Variants in INPP5F observed in about 807,000 individuals in gnomAD.
INPP5F encodes the protein inositol polyphosphate-5-phosphatase F, also known as phosphatidylinositide 4-phosphatase SAC2.
INPP5F carries 97 observed loss-of-function variants against 137.2 expected under a neutral mutation model. The observed-to-expected ratio is 0.71, with a 90% CI of 0.60 to 0.84. INPP5F has a LOEUF of 0.84. Ranked by LOEUF, INPP5F falls within the 40% of genes least tolerant of loss-of-function variation. The pLI is 0.00. For missense variants in INPP5F, 1,271 were observed against 1,371.9 expected, an observed-to-expected ratio of 0.93 and a Z score of 1.16; for synonymous variants, 504 against 476.9, an observed-to-expected ratio of 1.06 and a Z score of -0.74.
At chr10:119,770,791 A>G (rs1849310630) in intron 2 of INPP5F, among the ~76,000 whole-genome samples, 1 of 152,212 alleles carries the variant, frequency 6.6e-6, no homozygotes, top group Non-Finnish European at 1.5e-5. Context: ...TAGTGTTGAT[A>G]CATTTCAAGA....
chr10:119,815,883 A>G (rs1288683164), intron 15 of INPP5F: 1 of 152,400 alleles, frequency 6.6e-6, no homozygotes. Context: ...GCATCTCACA[A>G]TGGTTGAGGT....
intron 1 of INPP5F, among the ~76,000 whole-genome samples, chr10:119,728,727 C>T (rs577252817): frequency 7.2e-4 from 110 of 152,270 alleles, no homozygotes; most frequent in African/African-American, 2.5e-3. Context: ...ATTTATTTAG[C>T]CTGGAATGTT....
At chr10:119,733,628 A>G (rs755261080) in intron 1 of INPP5F, among the ~76,000 whole-genome samples, 5 of 152,134 alleles carry the variant, frequency 3.3e-5, no homozygotes, top group Non-Finnish European at 7.4e-5. Context: ...GAAACTTTGT[A>G]GAATCACTGG....
intron 1 of INPP5F, among the ~76,000 whole-genome samples, chr10:119,734,404 G>A (rs545656301): frequency 6.6e-6 from 1 of 152,218 alleles, no homozygotes; most frequent in Non-Finnish European, 1.5e-5. Flanking sequence ...TCTAATCTTT[G>A]TTTGAGGTGG....
chr10:119,775,679 T>G (rs938858779), intron 2 of INPP5F, among the ~76,000 whole-genome samples: 3 of 152,088 alleles, frequency 2.0e-5, no homozygotes, highest in Admixed American at 6.5e-5. Context: ...AAAAAAAAAG[T>G]TGAACATCAT....
Position 119,827,425 on chromosome 10 carries a change from ATGTCTCTC to A in INPP5F, c.3046_3053del (p.Val1016PhefsTer11). 6.2e-7 allele frequency: 1 copy of A among 1,614,158 alleles called. No individual in the cohort carries two copies. The highest frequency in any genetic ancestry group is 8.5e-7 in the Non-Finnish European group (1 of 1,180,024). On this transcript the variant is annotated frameshift_variant, in exon 20 of 20. Transcript: ENST00000650623. LOFTEE classifies it high-confidence loss of function. ...ACACCTTCTCGGCCATCGCAATTAGATGTCTCTCTTTCTGCAACAGGCCCACAGTTTTT... is the reference window on the plus strand; with the variant it reads ...ACACCTTCTCGGCCATCGCAATTAGATTTCTGCAACAGGCCCACAGTTTTT...
chr10:119,811,417 A>C (rs1455121092), intron 14 of INPP5F, among the ~76,000 whole-genome samples: 1 of 152,166 alleles, frequency 6.6e-6, no homozygotes, highest in Non-Finnish European at 1.5e-5. Flanking sequence ...ATCTTTGCTC[A>C]TTTTACAATT....
At chr10:119,774,934 A>G (rs2134167869) in intron 2 of INPP5F, among the ~76,000 whole-genome samples, 1 of 152,284 alleles carries the variant, frequency 6.6e-6, no homozygotes, top group Non-Finnish European at 1.5e-5. Flanking sequence ...AATATACAGC[A>G]TATAGTAAAG....
At chr10:119,805,650 G>T (rs1850750830) in intron 11 of INPP5F, among the ~76,000 whole-genome samples, 189 bp downstream of exon 11, 1 of 152,246 alleles carries the variant, frequency 6.6e-6, no homozygotes, top group East Asian at 1.9e-4. Context: ...ACAGGGAGAG[G>T]GTGTGAAATG....
At chr10:119,781,554 T>C in intron 2 of INPP5F, 81 bp from the exon 3 acceptor site, 1 of 1,236,388 alleles carries the variant, frequency 8.1e-7, no homozygotes, top group Non-Finnish European at 1.1e-6. Flanking sequence ...TTTGTTATCA[T>C]TGTTAGGTTA....
chr10:119,752,374 C>T (rs977560033), intron 2 of INPP5F, among the ~76,000 whole-genome samples: 1 of 152,016 alleles, frequency 6.6e-6, no homozygotes, highest in African/African-American at 2.4e-5. Flanking sequence ...CATCTGAGGT[C>T]GGGAGTTTGA....
rs1307457237 is a variant in INPP5F, at chr10:119,797,567, A to C, written c.975A>C (p.Gln325His). 1 of 1,613,420 alleles carries C rather than the reference A, an allele frequency of 6.2e-7. No homozygotes were observed. Among genetic ancestry groups the C allele is most frequent in the South Asian group, 1.1e-5 (1 of 90,792 alleles). The change falls in exon 8 of 20, where the codon CAA becomes CAC. Residue 325 changes from glutamine (Q) to histidine (H), a missense_variant. Physicochemically the swap from Gln to His is conservative, Grantham distance 24 (BLOSUM62 0). Coordinates refer to ENST00000650623, the MANE Select transcript of INPP5F (RefSeq NM_014937.4). Reference sequence around the variant, plus strand: ...ATAATCATACCCTGTCATTTGTTCAAACACGAGGCTCTGTGCCTGTCTTTT... The same window carrying C: ...ATAATCATACCCTGTCATTTGTTCACACACGAGGCTCTGTGCCTGTCTTTT... Reference protein sequence around the residue: ...HVHNHTLSFVQTRGSVPVFWS... With the variant: ...HVHNHTLSFVHTRGSVPVFWS...
rs549550075 is a variant in INPP5F, at chr10:119,804,170, T to C, written c.1117-3T>C. 111 of 1,599,704 alleles carry C rather than the reference T, an allele frequency of 6.9e-5. No homozygotes were observed. In the South Asian group the frequency reaches 9.0e-4, roughly 13 times the overall value. On this transcript the variant is annotated splice_polypyrimidine_tract_variant and splice_region_variant and intron_variant, in intron 9 of 19. Coordinates refer to ENST00000650623, the MANE Select transcript of INPP5F (RefSeq NM_014937.4). ...AATTTTTTCTGTTTCTTTGCTCTTA[T>C]AGGTTATTATTAACTTGGTAGACCA...
intron 3 of INPP5F, among the ~76,000 whole-genome samples, chr10:119,790,290 T>TG (rs1850094805): frequency 6.6e-6 from 1 of 152,140 alleles, no homozygotes; most frequent in Admixed American, 6.5e-5. Flanking sequence ...CTGGAATTCT[T>TG]GCTAGTTTTG....
rs750294807 is a variant in INPP5F, at chr10:119,796,907, A to C, written c.862A>C (p.Arg288=). The C allele has an allele frequency of 6.3e-5, 102 of 1,613,536 alleles. No homozygotes were observed. Among genetic ancestry groups the C allele is most frequent in the Non-Finnish European group, 8.3e-5 (98 of 1,179,568 alleles). The change falls in exon 7 of 20, where the codon AGA becomes CGA. Residue 288 remains arginine (R), a synonymous_variant. Transcript: ENST00000650623. ...VALISRRSRH[R]AGMRYKRRGV... is the part of the protein sequence containing the mutation. ...TCTCATTTCACGCCGAAGTAGGCAC[A>C]GAGCAGGTGAGTGGAGGGCTGTAAT...
In INPP5F at chr10:119,786,693, A is replaced by AT. The variant is rs1017350437; in HGVS notation, c.316-4818dup. Among the ~76,000 whole-genome samples the AT allele has an allele frequency of 6.1e-5, 9 of 147,106 alleles. No individual in the cohort carries two copies. The South Asian group carries it at 1.1e-3, about 18-fold the overall frequency. On this transcript the variant is annotated intron_variant, in intron 3 of 19. Transcript: ENST00000650623. Reference sequence around the variant, plus strand: ...CCCCCTGCTAATTTTTTTTTTTTCTATTTTTTGAAGAGATGGGGTCTCACT... The same window carrying AT: ...CCCCCTGCTAATTTTTTTTTTTTCTATTTTTTTGAAGAGATGGGGTCTCACT...
intron 15 of INPP5F, chr10:119,819,572 C>A: frequency 6.4e-7 from 1 of 1,562,134 alleles, no homozygotes; most frequent in Non-Finnish European, 8.7e-7. Context: ...TAACATTTTA[C>A]AGTGTTATTT....
At chr10:119,786,463 C>A in intron 3 of INPP5F, among the ~76,000 whole-genome samples, 1 of 152,200 alleles carries the variant, frequency 6.6e-6, no homozygotes, top group East Asian at 1.9e-4. Context: ...TTAACCTTTT[C>A]AGAAAGGTAG....
At chr10:119,794,737 G>GCGGGGGGC (rs1564835219) in intron 6 of INPP5F, among the ~76,000 whole-genome samples, 21 of 83,852 alleles carry the variant, frequency 2.5e-4, no homozygotes, top group South Asian at 4.4e-4. Context: ...GGCTGGCCAG[G>GCGGGGGGC]TGGGGGGGCT....
Sources: allele counts gnomAD v4.1 joint callset (sites outside exome capture counted in the v4.1 genomes callset), GRCh38; gene constraint gnomAD v4.1.1; transcripts MANE v1.5; gene names NCBI Gene and HGNC (gene_info 2026-07-23, HGNC 2026-07-21).